The following CHRNA5 variants were observed in gnomAD, a reference collection of about 807,000 sequenced individuals.
CHRNA5 encodes the protein cholinergic receptor nicotinic alpha 5 subunit.
Under a neutral mutation model 41.2 loss-of-function variants are expected in CHRNA5, and 28 were observed. That is an observed-to-expected ratio of 0.68 (90% CI 0.50 to 0.93). The LOEUF (loss-of-function observed/expected upper bound fraction) is 0.93, where lower values mean the gene tolerates loss of function less well. Among genes scored for constraint, CHRNA5 ranks in the 40% least tolerant of loss-of-function variants. The pLI is 0.00. For missense variants in CHRNA5, 481 were observed against 581.9 expected, an observed-to-expected ratio of 0.83 and a Z score of 1.78; for synonymous variants, 188 against 205.8, an observed-to-expected ratio of 0.91 and a Z score of 0.74.
At chr15:78,593,923 C>T (rs1278352607) in exon 6 of CHRNA5, 1 of 152,202 alleles carries the variant, frequency 6.6e-6, no homozygotes, top group Admixed American at 6.6e-5. Flanking sequence ...CCTGTAATCC[C>T]AGCTACCTGG....
intron 1 of CHRNA5, 100 bp from the exon 2 acceptor site, chr15:78,580,711 A>G (rs1446207470): frequency 8.4e-6 from 8 of 954,190 alleles, no homozygotes; most frequent in Non-Finnish European, 1.2e-5. Context: ...ATCTTGGCTC[A>G]CTGCAACCTT....
intron 3 of CHRNA5, among the ~76,000 whole-genome samples, chr15:78,587,540 T>C (rs905057078): frequency 5.3e-5 from 8 of 151,786 alleles, no homozygotes; most frequent in Middle Eastern, 3.2e-3. Context: ...GAGAGAACCA[T>C]TGGGGAGAGG....
chr15:78,590,127 A>G (rs1044168331), exon 5 of CHRNA5: 1 of 1,614,184 alleles, frequency 6.2e-7, no homozygotes, highest in African/African-American at 1.3e-5. Flanking sequence ...CTCATTTGTA[A>G]TCAAGCGCCT....
chr15:78,590,928 A>AT (rs1305760855), intron 5 of CHRNA5: 1 of 345,194 alleles, frequency 2.9e-6, no homozygotes, highest in East Asian at 6.2e-5. Context: ...ATCCTGCCAT[A>AT]TTTCTTGGCT....
rs373403458 is a variant in CHRNA5 at position 78,589,794 on chromosome 15, G to T, written c.414-11G>T. On this transcript the variant is annotated splice_polypyrimidine_tract_variant and intron_variant, in intron 4 of 5. Transcript: ENST00000299565. ...ATTTCTGCATTGTTATTTTATATGTGTGTATTTTAGTGCAGATGGACGTTT... is the reference window on the plus strand; with the variant it reads ...ATTTCTGCATTGTTATTTTATATGTTTGTATTTTAGTGCAGATGGACGTTT... 1.4e-5 allele frequency: 21 copies of T among 1,538,038 alleles called. No individual in the cohort carries two copies. The South Asian group carries it at 2.5e-4, about 18-fold the overall frequency.
intron 1 of CHRNA5, among the ~76,000 whole-genome samples, chr15:78,580,540 T>C (rs2141410481): frequency 6.6e-6 from 1 of 152,308 alleles, no homozygotes; most frequent in South Asian, 2.1e-4. Flanking sequence ...AGAGTGTCCC[T>C]TATTCTATCA....
chr15:78,579,448 T>C (rs2052889963), intron 1 of CHRNA5, among the ~76,000 whole-genome samples: 1 of 152,120 alleles, frequency 6.6e-6, no homozygotes, highest in Admixed American at 6.6e-5. Context: ...GAGACAGGGT[T>C]TCACCATGTT....
chr15:78,565,695 CGCGGTCCCGCGCGGGCGCG>C, exon 1 of CHRNA5: 2 of 1,043,578 alleles, frequency 1.9e-6, no homozygotes, highest in Admixed American at 4.9e-5. Flanking sequence ...GGCGGCTGCC[CGCGGTCCCGCGCGGGCGCG>C]GGGCGATGGC....
intron 1 of CHRNA5, among the ~76,000 whole-genome samples, chr15:78,566,498 T>A (rs549041334): frequency 6.6e-6 from 1 of 152,332 alleles, no homozygotes; most frequent in East Asian, 1.9e-4. Context: ...TTTCAAGTGC[T>A]TGGGAAAGTT....
At chr15:78,580,942 A>G (rs199587175) in exon 2 of CHRNA5, 11 of 1,613,674 alleles carry the variant, frequency 6.8e-6, no homozygotes, top group East Asian at 2.2e-5. Context: ...TGGACTTGCA[A>G]TATCTCAATT....
intron 1 of CHRNA5, among the ~76,000 whole-genome samples, chr15:78,573,609 G>A (rs1179829249): frequency 6.6e-6 from 1 of 152,130 alleles, no homozygotes; most frequent in African/African-American, 2.4e-5. Flanking sequence ...ATAATTTGTG[G>A]CAGAAACTTT....
chr15:78,568,207 A>G (rs1171193952), intron 1 of CHRNA5, among the ~76,000 whole-genome samples: 3 of 152,184 alleles, frequency 2.0e-5, no homozygotes, highest in African/African-American at 7.2e-5. Flanking sequence ...GCCCGCAGCT[A>G]TTATTTGGCT....
At chr15:78,576,169 TAG>T (rs1165530852) in intron 1 of CHRNA5, among the ~76,000 whole-genome samples, 1 of 152,170 alleles carries the variant, frequency 6.6e-6, no homozygotes, top group Admixed American at 6.5e-5. Flanking sequence ...GTTTTTGAGT[TAG>T]AGTCTCTCTC....
intron 1 of CHRNA5, among the ~76,000 whole-genome samples, chr15:78,573,113 C>T (rs948147554): frequency 1.3e-5 from 2 of 152,202 alleles, no homozygotes; most frequent in South Asian, 2.1e-4. Context: ...CTCCCCCTCA[C>T]CAACATTTGG....
exon 5 of CHRNA5, chr15:78,590,036 T>G: frequency 6.2e-7 from 1 of 1,614,144 alleles, no homozygotes; most frequent in Non-Finnish European, 8.5e-7. Flanking sequence ...TTTTTGATAA[T>G]GGAGAATGGG....
chr15:78,568,474 TTA>T (rs1432739827), intron 1 of CHRNA5, among the ~76,000 whole-genome samples: 4 of 138,740 alleles, frequency 2.9e-5, no homozygotes, highest in South Asian at 2.3e-4. Context: ...AATTTTTTTT[TTA>T]AAATATTACT....
intron 1 of CHRNA5, among the ~76,000 whole-genome samples, chr15:78,579,040 CT>C (rs34178407): frequency 0.051 from 7,179 of 141,128 alleles, 382 homozygotes; most frequent in East Asian, 0.33. Context: ...TATATTTTGA[CT>C]TTTTTTTTTT....
In CHRNA5 at chr15:78,590,432, C is replaced by T. The variant is rs144306535; in HGVS notation, c.1041C>T (p.Ala347=). The T allele has an allele frequency of 3.2e-5, 52 of 1,614,200 alleles. No individual in the cohort carries two copies. The African/African-American group carries it at 6.1e-4, about 19-fold the overall frequency. The change falls in exon 5 of 6, where the codon GCC becomes GCT. Residue 347 remains alanine, a synonymous_variant. Coordinates refer to ENST00000299565, the Ensembl canonical transcript of CHRNA5. The stretch of plus-strand genomic sequence containing the variant: ...ATCGTTCTTCCTCAACACATAATGC[C>T]ATGGCGCCTTTGGTCCGCAAGATAT...
At chr15:78,576,234 C>T (rs918244968) in intron 1 of CHRNA5, among the ~76,000 whole-genome samples, 10 of 152,126 alleles carry the variant, frequency 6.6e-5, no homozygotes, top group Non-Finnish European at 1.2e-4. Context: ...GCAACCTCTG[C>T]CTCCCAGGTT....
Sources: gnomAD v4.1 joint callset for allele counts (sites outside exome capture counted in the v4.1 genomes callset) on GRCh38, gnomAD v4.1.1 for gene constraint, MANE v1.5 for transcripts, NCBI Gene and HGNC (gene_info 2026-07-23, HGNC 2026-07-21) for gene names.